Variants in SDK1 observed in about 807,000 individuals in gnomAD.
The protein encoded by SDK1 is sidekick cell adhesion molecule 1, also known as protein sidekick-1.
SDK1 carries 157 observed loss-of-function variants against 245.5 expected under a neutral mutation model. The ratio of observed to expected loss-of-function variants is 0.64; its 90% CI spans 0.56 to 0.73. The LOEUF is 0.73. Among genes scored for constraint, SDK1 ranks in the 30% least tolerant of loss-of-function variants. SDK1 has a pLI of 0.00. For synonymous variants in SDK1, 1,647 were observed against 1,278.5 expected, an observed-to-expected ratio of 1.29 and a Z score of -6.15; for missense variants, 3,583 against 3,002.3, an observed-to-expected ratio of 1.19 and a Z score of -4.52.
At chr7:3,933,730 A>G (rs1052284644) in intron 5 of SDK1, among the ~76,000 whole-genome samples, 9 of 152,366 alleles carry the variant, frequency 5.9e-5, no homozygotes, top group African/African-American at 2.2e-4. Flanking sequence ...ATGACTGATA[A>G]AAATATTTCT....
intron 4 of SDK1, among the ~76,000 whole-genome samples, chr7:3,742,835 G>A (rs567999383): frequency 2.6e-5 from 4 of 152,258 alleles, no homozygotes; most frequent in East Asian, 1.9e-4. Context: ...GATAGAGGTC[G>A]AATGGATCGG....
chr7:3,703,845 G>C (rs902711746), intron 4 of SDK1, among the ~76,000 whole-genome samples: 2 of 152,048 alleles, frequency 1.3e-5, no homozygotes, highest in Non-Finnish European at 2.9e-5. Flanking sequence ...TTTTTGTTTT[G>C]TGTTTGTTGG....
chr7:3,901,274 C>A (rs1781781338), intron 5 of SDK1, among the ~76,000 whole-genome samples: 1 of 152,106 alleles, frequency 6.6e-6, no homozygotes, highest in South Asian at 2.1e-4. Context: ...GCAACCTCCG[C>A]CTCCCGGGTT....
At chr7:3,356,868 C>A (rs911073800) in intron 1 of SDK1, among the ~76,000 whole-genome samples, 1 of 151,746 alleles carries the variant, frequency 6.6e-6, no homozygotes, top group Non-Finnish European at 1.5e-5. Context: ...CCAGCCTGAC[C>A]AACATGGTGA....
intron 1 of SDK1, among the ~76,000 whole-genome samples, chr7:3,561,030 A>C (rs1209464994): frequency 1.3e-5 from 2 of 151,904 alleles, no homozygotes; most frequent in Non-Finnish European, 2.9e-5. Context: ...CATCTAACAT[A>C]CTATATGTTT....
intron 1 of SDK1, among the ~76,000 whole-genome samples, chr7:3,462,969 C>G (rs913709602): frequency 6.6e-6 from 1 of 152,188 alleles, no homozygotes; most frequent in Non-Finnish European, 1.5e-5. Flanking sequence ...TTTTACCTCC[C>G]TGGGCTACCC....
In SDK1 at chr7:3,828,960, A is replaced by G. The variant is rs528737096; in HGVS notation, c.847+7377A>G. ...GTGTGAGCTACTGAACCCCACCAAG[A>G]TTGAAGTTTATACGCATAGTTTTTT... On this transcript the variant is annotated intron_variant, in intron 5 of 44. Coordinates refer to ENST00000404826, the MANE Select transcript of SDK1 (RefSeq NM_152744.4). Among the ~76,000 whole-genome samples, 5 of 152,208 alleles carry G rather than the reference A, an allele frequency of 3.3e-5. No homozygotes were observed. The East Asian group carries it at 9.7e-4, about 29-fold the overall frequency.
intron 5 of SDK1, among the ~76,000 whole-genome samples, chr7:3,856,022 T>C (rs1455917952): frequency 6.6e-6 from 1 of 152,208 alleles, no homozygotes; most frequent in Non-Finnish European, 1.5e-5. Flanking sequence ...TCTAAATGTT[T>C]ATTATTGATA....
At chr7:3,961,067 A>C (rs947332330) in intron 8 of SDK1, among the ~76,000 whole-genome samples, 7 of 152,176 alleles carry the variant, frequency 4.6e-5, no homozygotes, top group Non-Finnish European at 8.8e-5. Flanking sequence ...TTTTTGCACG[A>C]CTTCTGCAGG....
intron 5 of SDK1, among the ~76,000 whole-genome samples, chr7:3,868,956 T>C (rs192739971): frequency 2.0e-4 from 31 of 152,256 alleles, no homozygotes; most frequent in African/African-American, 7.2e-4. Flanking sequence ...CTACATTACA[T>C]TGTTGGAAGG....
chr7:3,595,494 CTG>C (rs920907424), intron 1 of SDK1, among the ~76,000 whole-genome samples: 2 of 152,054 alleles, frequency 1.3e-5, no homozygotes, highest in African/African-American at 2.4e-5. Context: ...GAAACATAAA[CTG>C]TTGCCTCCGA....
intron 1 of SDK1, among the ~76,000 whole-genome samples, chr7:3,323,397 G>T (rs1367906612): frequency 6.6e-6 from 1 of 152,202 alleles, no homozygotes; most frequent in African/African-American, 2.4e-5. Context: ...TGCTGTAAAA[G>T]ATAGGAAGAA....
At chr7:3,766,047 TTATTTTACAAA>T (rs2114994815) in intron 4 of SDK1, among the ~76,000 whole-genome samples, 1 of 152,314 alleles carries the variant, frequency 6.6e-6, no homozygotes, top group East Asian at 1.9e-4. Context: ...AGTGTATCAT[TTATTTTACAAA>T]TGGCGTTTTC....
chr7:3,423,558 C>T (rs1484510727), intron 1 of SDK1, among the ~76,000 whole-genome samples: 3 of 146,038 alleles, frequency 2.1e-5, no homozygotes, highest in Non-Finnish European at 4.5e-5. Flanking sequence ...GTGTTTTAGT[C>T]ATGGAAACAG....
chr7:3,451,391 C>T (rs919746039), intron 1 of SDK1, among the ~76,000 whole-genome samples: 2 of 151,812 alleles, frequency 1.3e-5, no homozygotes, highest in East Asian at 1.9e-4. Flanking sequence ...CGAATAGCTG[C>T]GTTTTTGTTT....
intron 1 of SDK1, among the ~76,000 whole-genome samples, chr7:3,611,366 C>T (rs1008867063): frequency 1.3e-5 from 2 of 152,172 alleles, no homozygotes; most frequent in Admixed American, 6.5e-5. Flanking sequence ...TCTCCTCCTG[C>T]TCTTCCTCCT....
Position 4,266,835 on chromosome 7 carries a change from CA to C in SDK1, c.*1452del. ...TGCCCCCTCACCAGCAGCAGCGTGA[CA>C]CACACAAGACTCAAGACCACCCTGT... On this transcript the variant is annotated 3_prime_UTR_variant, in exon 45 of 45. Coordinates refer to ENST00000404826, the MANE Select transcript of SDK1 (RefSeq NM_152744.4). 1 of 985,540 alleles carries C rather than the reference CA, an allele frequency of 1.0e-6. No individual in the cohort carries two copies. The highest frequency in any genetic ancestry group is 5.2e-4 in the Middle Eastern group (1 of 1,914). The allele number at this position is 985,540 out of a possible 1,614,324, so 61.0% of individuals were successfully genotyped here.
At chr7:3,841,043 C>G (rs906311499) in intron 5 of SDK1, among the ~76,000 whole-genome samples, 1 of 152,144 alleles carries the variant, frequency 6.6e-6, no homozygotes, top group African/African-American at 2.4e-5. Context: ...TGATGAGCTC[C>G]CTCATCACAG....
At chr7:4,127,596 C>T (rs529977979) in intron 26 of SDK1, 100 bp downstream of exon 26, 6 of 817,332 alleles carry the variant, frequency 7.3e-6, no homozygotes, top group Admixed American at 6.1e-5. Context: ...TCTTCTCCTA[C>T]AGATCTGCAG....
Sources: allele counts gnomAD v4.1 joint callset (sites outside exome capture counted in the v4.1 genomes callset), GRCh38; gene constraint gnomAD v4.1.1; transcripts MANE v1.5; gene names NCBI Gene and HGNC (gene_info 2026-07-23, HGNC 2026-07-21).